Variants in TTN observed in about 807,000 individuals in gnomAD.
TTN encodes the protein titin.
A neutral mutation model predicts 3,223.0 loss-of-function variants in TTN; 1,525 were observed. The ratio of observed to expected loss-of-function variants is 0.47; its 90% CI spans 0.45 to 0.49. TTN has a LOEUF of 0.49. TTN is among the 20% of genes least tolerant of loss of function. The probability of loss-of-function intolerance (pLI) is 0.00; values close to 1 mark genes in which losing one functional copy is unlikely to be tolerated. For missense variants in TTN, 40,786 were observed against 43,424.0 expected, an observed-to-expected ratio of 0.94 and a Z score of 5.40; for synonymous variants, 14,094 against 15,161.0, an observed-to-expected ratio of 0.93 and a Z score of 5.17.
intron 208 of TTN, 81 bp downstream of exon 208, chr2:178,651,162 C>T (rs538998201): frequency 2.9e-5 from 35 of 1,194,032 alleles, no homozygotes; most frequent in African/African-American, 1.4e-4. Flanking sequence ...TAAGAGGACT[C>T]GCAAACAAAA....
Position 178,564,740 on chromosome 2 carries a change from T to C in TTN, c.81392A>G (p.Lys27131Arg). 6.2e-7 allele frequency: 1 copy of C among 1,613,056 alleles called. No homozygotes were observed. The highest frequency in any genetic ancestry group is 8.5e-7 in the Non-Finnish European group (1 of 1,179,470). ...KLNKTPIQDT[K>R]FKTTGLDEGL... ...CTCATCAAGCCCAGTTGTTTTGAAT[T>C]TGGTGTCCTGAATGGGGGTCTTATT... is the stretch of plus-strand genomic sequence containing the variant. The change falls in exon 326 of 363, where the codon AAA becomes AGA. Residue 27131 changes from lysine (K) to arginine (R), a missense_variant. Coordinates refer to ENST00000589042, the MANE Select transcript of TTN (RefSeq NM_001267550.2).
chr2:178,640,054 C>G lies in TTN; in HGVS notation c.40780G>C (p.Glu13594Gln). ...LPAPEPKPKPEAEVKTIKPPP... is the reference protein window; with the variant it reads ...LPAPEPKPKPQAEVKTIKPPP... ...TGAGGATAAGCTTGCTCACCTGCTT[C>G]GGGCTTTGGTTTCGGTTCAGGTGCA... Residue 13594 changes from glutamate to glutamine, a missense_variant, in exon 222 of 363, where the codon GAA (glutamate) becomes CAA (glutamine). By Grantham distance (29) the Glu-to-Gln change is conservative. Transcript: ENST00000589042. The G allele has an allele frequency of 1.2e-6, 2 of 1,612,086 alleles. No individual in the cohort carries two copies. Among genetic ancestry groups the G allele is most frequent in the Non-Finnish European group, 1.7e-6 (2 of 1,178,758 alleles).
chr2:178,790,194 AAGG>A, intron 11 of TTN, 79 bp from the exon 12 acceptor site: 1 of 1,487,304 alleles, frequency 6.7e-7, no homozygotes, highest in Non-Finnish European at 9.0e-7. Context: ...GTCAAAAAGA[AAGG>A]AGGCAAAATT....
Position 178,714,153 on chromosome 2 carries a change from C to T in TTN, c.26505G>A (p.Lys8835=). ...SVLEPATIVE[K]PESIKVTTGD... Reference sequence around the variant, plus strand: ...CCGTGGTAACTTTTATGGATTCTGGCTTTTCTACAATTGTTGCAGGCTCTG... The same window carrying T: ...CCGTGGTAACTTTTATGGATTCTGGTTTTTCTACAATTGTTGCAGGCTCTG... The change falls in exon 92 of 363, where the codon AAG becomes AAA. Residue 8835 remains lysine, a synonymous_variant. Transcript: ENST00000589042. 1 of 1,611,480 alleles carries T rather than the reference C, an allele frequency of 6.2e-7. No homozygotes were observed. The highest frequency in any genetic ancestry group is 8.5e-7 in the Non-Finnish European group (1 of 1,178,808).
rs995110630 is a variant in TTN, at chr2:178,539,764, C to T, written c.98301G>A (p.Arg32767=). ...CCAGGTCATAAGTGCCAGAATCACC[C>T]CTGTCTGCTTCTTTGATCACAAGCT... ...HTELVIKEAD[R]GDSGTYDLVL... The change falls in exon 352 of 363, where the codon AGG becomes AGA. Residue 32767 remains arginine (R), a synonymous_variant. Coordinates refer to ENST00000589042, the MANE Select transcript of TTN (RefSeq NM_001267550.2). The T allele has an allele frequency of 6.2e-7, 1 of 1,613,780 alleles. No homozygotes were observed. The highest frequency in any genetic ancestry group is 8.5e-7 in the Non-Finnish European group (1 of 1,179,762).
chr2:178,774,419 T>A lies in TTN; in HGVS notation c.6845A>T (p.Tyr2282Phe). The A allele has an allele frequency of 6.2e-7, 1 of 1,613,864 alleles. No individual in the cohort carries two copies. Among genetic ancestry groups the A allele is most frequent in the South Asian group, 1.1e-5 (1 of 91,080 alleles). The change falls in exon 30 of 363, where the codon TAT (tyrosine) becomes TTT (phenylalanine). Residue 2282 changes from tyrosine (Y) to phenylalanine (F), a missense_variant. Transcript: ENST00000589042. Reference sequence around the variant, plus strand: ...TACAATGCACTCTAATTCTCCTGAATATGATTCTGGAACTTCTATGTCCTG... The same window carrying A: ...TACAATGCACTCTAATTCTCCTGAAAATGATTCTGGAACTTCTATGTCCTG... ...ELQDIEVPESYSGELECIVSP... is the reference protein window; with the variant it reads ...ELQDIEVPESFSGELECIVSP...
At chr2:178,601,958 A>G in intron 284 of TTN, 44 bp from the exon 285 acceptor site, 1 of 1,612,668 alleles carries the variant, frequency 6.2e-7, no homozygotes. Context: ...AATACTCCTT[A>G]TAGTGATTCA....
At position 178,730,368 on chromosome 2, in the gene TTN, G is replaced by A. The variant is rs778897597; in HGVS notation, c.18032C>T (p.Pro6011Leu). 6.4e-7 allele frequency: 1 copy of A among 1,572,940 alleles called. No homozygotes were observed. Among genetic ancestry groups the A allele is most frequent in the South Asian group, 1.2e-5 (1 of 84,154 alleles). ...CTGTGGCTTTTCCACAAAGTAAGGG[G>A]GTTCTGAGGTGAAAGAAAAAACAAG... is the stretch of plus-strand genomic sequence containing the variant. ...QCSGHLTVKE[P>L]PYFVEKPQSQ... Residue 6011 changes from proline to leucine, a missense_variant, in exon 62 of 363, where the codon CCC becomes CTC. By Grantham distance (98) the Pro-to-Leu change is moderately conservative (BLOSUM62 -3). Transcript: ENST00000589042.
intron 47 of TTN, chr2:178,745,128 T>G: frequency 1.0e-6 from 1 of 990,566 alleles, no homozygotes; most frequent in Non-Finnish European, 1.2e-6. Flanking sequence ...TGCAAAGGGG[T>G]TAAAATTCCA....
Position 178,612,345 on chromosome 2 carries a change from G to A in TTN, c.50180C>T (p.Ala16727Val). 1 of 1,612,480 alleles carries A rather than the reference G, an allele frequency of 6.2e-7. No individual in the cohort carries two copies. Among genetic ancestry groups the A allele is most frequent in the Non-Finnish European group, 8.5e-7 (1 of 1,179,162 alleles). ...GTCGCTTTGTCCTATAGCATTTTCT[G>A]CAGCAACTCGGAACACATATAAAGA... The part of the protein sequence containing the change: ...EGSLYVFRVA[A>V]ENAIGQSDYT... Residue 16727 changes from alanine to valine, a missense_variant, in exon 266 of 363, where the codon GCA becomes GTA. Coordinates refer to ENST00000589042, the MANE Select transcript of TTN (RefSeq NM_001267550.2).
Position 178,778,098 on chromosome 2 carries a change from G to A in TTN, c.4209-123C>T, listed in dbSNP as rs117184517. 1,048 of 1,272,218 alleles carry A rather than the reference G, an allele frequency of 8.2e-4. 20 individuals carry two copies. In the East Asian group the frequency reaches 0.025, roughly 30 times the overall value. 78.8% of individuals were successfully genotyped at this position (1,272,218 alleles called of 1,614,324 possible). ...ATTTACTTCTTGCACGTATTAGAAG[G>A]CACCTCAAACTCATTCAGATCTAAA... On this transcript the variant is annotated intron_variant, in intron 24 of 362. Coordinates refer to ENST00000589042, the MANE Select transcript of TTN (RefSeq NM_001267550.2).
chr2:178,551,166 C>G lies in TTN; in HGVS notation c.91365G>C (p.Val30455=). 6.2e-7 allele frequency: 1 copy of G among 1,613,482 alleles called. No individual in the cohort carries two copies. Among genetic ancestry groups the G allele is most frequent in the African/African-American group, 1.3e-5 (1 of 74,970 alleles). ...CTTGCCGTTTCTCAATGCTATAGCC[C>G]ACAATCTTACTGCCTCCATCACGCA... ...PPLRDGGSKI[V]GYSIEKRQGN... is the part of the protein sequence containing the mutation. Residue 30455 remains valine (V), a synonymous_variant, in exon 336 of 363, where the codon GTG becomes GTC. Coordinates refer to ENST00000589042, the MANE Select transcript of TTN (RefSeq NM_001267550.2).
At chr2:178,745,796 C>G in intron 47 of TTN, 1 of 1,613,260 alleles carries the variant, frequency 6.2e-7, no homozygotes, top group South Asian at 1.1e-5. Flanking sequence ...ACGAACTAAG[C>G]ACTGAAAATA....
Position 178,561,746 on chromosome 2 carries a change from A to T in TTN, c.84386T>A (p.Val28129Asp). 6.2e-7 allele frequency: 1 copy of T among 1,613,406 alleles called. No homozygotes were observed. Among genetic ancestry groups the T allele is most frequent in the South Asian group, 1.1e-5 (1 of 91,062 alleles). Residue 28129 changes from valine (V) to aspartate (D), a missense_variant, in exon 326 of 363, where the codon GTT (valine) becomes GAT (aspartate). Transcript: ENST00000589042. ...LTTGSEYQFR[V>D]CAENRYGKSS... is the part of the protein sequence containing the mutation. Reference sequence around the variant, plus strand: ...CTTTCCATAGCGGTTTTCTGCACAAACACGGAACTGATACTCACTTCCTGT... The same window carrying T: ...CTTTCCATAGCGGTTTTCTGCACAATCACGGAACTGATACTCACTTCCTGT...
chr2:178,789,551 T>A (rs1450811558), intron 12 of TTN, 54 bp from the exon 13 acceptor site: 7 of 1,607,568 alleles, frequency 4.4e-6, no homozygotes, highest in Non-Finnish European at 6.0e-6. Context: ...CAAACACACA[T>A]AGTATGACCC....
Position 178,580,497 on chromosome 2 carries a change from A to C in TTN, c.66882T>G (p.Thr22294=). Residue 22294 remains threonine (T), a synonymous_variant, in exon 317 of 363, where the codon ACT becomes ACG. Coordinates refer to ENST00000589042, the MANE Select transcript of TTN (RefSeq NM_001267550.2). ...TTAGATTGACATTTGGTTTAGACCA[A>C]GTAATCTTTGGAGGTGGGCGTCCTT... ...PVKGRPPPKI[T]WSKPNVNLRD... is the part of the protein sequence containing the mutation. The C allele has an allele frequency of 6.2e-7, 1 of 1,613,004 alleles. No individual in the cohort carries two copies. Among genetic ancestry groups the C allele is most frequent in the South Asian group, 1.1e-5 (1 of 91,038 alleles).
At chr2:178,751,428 G>A in intron 47 of TTN, 1 of 1,612,130 alleles carries the variant, frequency 6.2e-7, no homozygotes, top group Non-Finnish European at 8.5e-7. Context: ...GTCTTAAAAT[G>A]TATAGTTCTC....
In TTN at chr2:178,542,426, G is replaced by A. The variant is rs776164829; in HGVS notation, c.97330C>T (p.Arg32444Cys). The change falls in exon 349 of 363, where the codon CGT (arginine) becomes TGT (cysteine). Residue 32444 changes from arginine (R) to cysteine (C), a missense_variant. Transcript: ENST00000589042. ...TCAGAAACGGGCAGCCATCCTGGAC[G>A]ATGAGCGTCACGTTGTTCTACCACA... ...GYVVEQRDAH[R>C]PGWLPVSESV... is the part of the protein sequence containing the mutation. 2.2e-5 allele frequency: 35 copies of A among 1,613,558 alleles called. No homozygotes were observed. Among genetic ancestry groups the A allele is most frequent in the Middle Eastern group, 1.6e-4 (1 of 6,078 alleles).
intron 284 of TTN, 27 bp from the exon 285 acceptor site, chr2:178,601,941 T>C: frequency 3.1e-6 from 5 of 1,612,700 alleles, no homozygotes; most frequent in Non-Finnish European, 4.2e-6. Context: ...CAGTCAGTTG[T>C]AGTATAAATA....
Sources: gnomAD v4.1 joint callset for allele counts on GRCh38, gnomAD v4.1.1 for gene constraint, MANE v1.5 for transcripts, NCBI Gene and HGNC (gene_info 2026-07-23, HGNC 2026-07-21) for gene names.